RABGAP1L: variants seen among roughly 807,000 people sequenced by gnomAD.
RABGAP1L encodes the protein rab GTPase-activating protein 1-like.
A neutral mutation model predicts 137.7 loss-of-function variants in RABGAP1L; 63 were observed. The ratio of observed to expected loss-of-function variants is 0.46; its 90% confidence interval spans 0.37 to 0.56. The LOEUF (loss-of-function observed/expected upper bound fraction) is 0.56, where lower values mean the gene tolerates loss of function less well. Among genes scored for constraint, RABGAP1L ranks in the 20% least tolerant of loss-of-function variants. The pLI is 0.00. For missense variants in RABGAP1L, 1,095 were observed against 1,244.0 expected, an observed-to-expected ratio of 0.88 and a Z score of 1.80; for synonymous variants, 431 against 433.7, an observed-to-expected ratio of 0.99 and a Z score of 0.08.
intron 13 of RABGAP1L, among the ~76,000 whole-genome samples, chr1:174,572,427 C>G (rs1668051315): frequency 6.6e-6 from 1 of 152,124 alleles, no homozygotes; most frequent in Admixed American, 6.6e-5. Flanking sequence ...CTCAGTCACC[C>G]CAGGCTGGAG....
At position 174,658,127 on chromosome 1, in the gene RABGAP1L, C is replaced by T. The variant is rs371310290; in HGVS notation, c.1824+20639C>T. On this transcript the variant is annotated intron_variant, in intron 14 of 25. Coordinates refer to ENST00000681986, the MANE Select transcript of RABGAP1L (RefSeq NM_001366446.1). ...AGATGGGACCAAAGCAAGTTAAAAACGCCACAAAGCTCCCTGTTCTTACCA... is the reference window on the plus strand; with the variant it reads ...AGATGGGACCAAAGCAAGTTAAAAATGCCACAAAGCTCCCTGTTCTTACCA... Among the ~76,000 whole-genome samples the T allele has an allele frequency of 1.8e-4, 28 of 152,256 alleles. No homozygotes were observed. In the East Asian group the frequency reaches 2.7e-3, roughly 15 times the overall value.
At chr1:174,959,934 T>G (rs968720518) in intron 20 of RABGAP1L, among the ~76,000 whole-genome samples, 3 of 152,198 alleles carry the variant, frequency 2.0e-5, no homozygotes, top group Non-Finnish European at 4.4e-5. Context: ...TCTTCTAAAT[T>G]TAATCCTATG....
rs191557715 is a variant in RABGAP1L at position 174,782,480 on chromosome 1, G to T, written c.2212-29352G>T. Among the ~76,000 whole-genome samples the T allele has an allele frequency of 8.5e-5, 13 of 152,268 alleles. No individual in the cohort carries two copies. In the East Asian group the frequency reaches 1.2e-3, roughly 14 times the overall value. On this transcript the variant is annotated intron_variant, in intron 18 of 25. Coordinates refer to ENST00000681986, the MANE Select transcript of RABGAP1L (RefSeq NM_001366446.1). ...GGAGATTTTGGGCTGAGACGATGGGGTTTTCTAGATATACAGTCATGTCAT... is the reference window on the plus strand; with the variant it reads ...GGAGATTTTGGGCTGAGACGATGGGTTTTTCTAGATATACAGTCATGTCAT...
chr1:174,402,452 C>T (rs992287821), intron 13 of RABGAP1L, among the ~76,000 whole-genome samples: 1 of 152,154 alleles, frequency 6.6e-6, no homozygotes, highest in Non-Finnish European at 1.5e-5. Context: ...TCAGGAAACA[C>T]ATATAAACCT....
chr1:174,619,041 T>C (rs1672186218), intron 13 of RABGAP1L, among the ~76,000 whole-genome samples: 1 of 152,120 alleles, frequency 6.6e-6, no homozygotes, highest in Non-Finnish European at 1.5e-5. Context: ...AGGGTATCAG[T>C]GATGGAAAAT....
At chr1:174,924,857 A>G (rs1662444628) in intron 19 of RABGAP1L, among the ~76,000 whole-genome samples, 1 of 152,154 alleles carries the variant, frequency 6.6e-6, no homozygotes, top group Admixed American at 6.5e-5. Context: ...CACAATACCT[A>G]AGTAAAAATC....
chr1:174,428,368 C>G (rs1040082608), intron 13 of RABGAP1L, among the ~76,000 whole-genome samples: 1 of 152,062 alleles, frequency 6.6e-6, no homozygotes, highest in African/African-American at 2.4e-5. Context: ...GAGGGCATAA[C>G]AGTTAAGACA....
chr1:174,240,673 A>G (rs907995685), intron 4 of RABGAP1L, among the ~76,000 whole-genome samples: 2 of 152,222 alleles, frequency 1.3e-5, no homozygotes, highest in Non-Finnish European at 2.9e-5. Context: ...TGTGGTAGAA[A>G]GGGCCTCAGT....
chr1:174,740,105 G>T (rs1437419725), intron 17 of RABGAP1L, among the ~76,000 whole-genome samples: 4 of 152,188 alleles, frequency 2.6e-5, no homozygotes, highest in African/African-American at 9.6e-5. Flanking sequence ...AAAGGGTGGA[G>T]TTGCTCCTGC....
chr1:174,441,500 T>G (rs1309539077), intron 13 of RABGAP1L, among the ~76,000 whole-genome samples: 4 of 152,054 alleles, frequency 2.6e-5, no homozygotes, highest in African/African-American at 7.2e-5. Flanking sequence ...TTTGGGAGGC[T>G]GAGGGGGGTG....
rs987724756 is a variant in RABGAP1L, at chr1:174,957,522, A to G, written c.2406A>G (p.Gln802=). Residue 802 remains glutamine, a synonymous_variant, in exon 20 of 26, where the codon CAA becomes CAG. Coordinates refer to ENST00000681986, the MANE Select transcript of RABGAP1L (RefSeq NM_001366446.1). ...EYQTMRESQL[Q]QEDPMDRYKR... ...AGACAATGCGAGAGAGTCAGCTGCA[A>G]CAGGAAGACCCAATGGATAGATACA... 3 of 1,612,060 alleles carry G rather than the reference A, an allele frequency of 1.9e-6. No homozygotes were observed. Among genetic ancestry groups the G allele is most frequent in the Middle Eastern group, 3.3e-4 (2 of 6,060 alleles).
intron 17 of RABGAP1L, among the ~76,000 whole-genome samples, chr1:174,718,561 T>A (rs553134549): frequency 1.3e-5 from 2 of 152,328 alleles, no homozygotes; most frequent in South Asian, 4.1e-4. Flanking sequence ...TATTACCCAA[T>A]TCTTAATGTT....
chr1:174,612,452 G>A (rs1199093231), intron 13 of RABGAP1L, among the ~76,000 whole-genome samples: 1 of 152,168 alleles, frequency 6.6e-6, no homozygotes, highest in Non-Finnish European at 1.5e-5. Flanking sequence ...GCTGGATTCG[G>A]TTTGCCAGTA....
chr1:174,538,375 C>G (rs1665062119), intron 13 of RABGAP1L, among the ~76,000 whole-genome samples: 1 of 152,080 alleles, frequency 6.6e-6, no homozygotes, highest in Non-Finnish European at 1.5e-5. Context: ...TTGTTCTCTG[C>G]CAGAATATAA....
chr1:174,676,052 C>G (rs1677599128), intron 14 of RABGAP1L, among the ~76,000 whole-genome samples: 1 of 152,004 alleles, frequency 6.6e-6, no homozygotes, highest in South Asian at 2.1e-4. Flanking sequence ...CTTGATTTAC[C>G]ACATATCTGT....
chr1:174,787,636 A>T (rs1028044665), intron 18 of RABGAP1L, among the ~76,000 whole-genome samples: 4 of 152,184 alleles, frequency 2.6e-5, no homozygotes, highest in African/African-American at 9.7e-5. Context: ...TGTCTGAAGG[A>T]TGTCTTGTGC....
At chr1:174,649,603 C>T (rs2148383834) in intron 14 of RABGAP1L, among the ~76,000 whole-genome samples, 1 of 152,072 alleles carries the variant, frequency 6.6e-6, no homozygotes, top group South Asian at 2.1e-4. Flanking sequence ...TTGTGGGTAA[C>T]CCGACCTTTC....
chr1:174,571,248 A>G (rs1335804979), intron 13 of RABGAP1L, among the ~76,000 whole-genome samples: 1 of 152,110 alleles, frequency 6.6e-6, no homozygotes, highest in East Asian at 1.9e-4. Flanking sequence ...GAGAGAATAG[A>G]AGGATAGTTA....
intron 13 of RABGAP1L, among the ~76,000 whole-genome samples, chr1:174,483,218 T>C (rs992750956): frequency 9.2e-5 from 14 of 152,190 alleles, no homozygotes; most frequent in Non-Finnish European, 2.9e-5. Flanking sequence ...TAGCAAATAC[T>C]AGGTTTTACT....
Sources: gnomAD v4.1 joint callset for allele counts (sites outside exome capture counted in the v4.1 genomes callset) on GRCh38, gnomAD v4.1.1 for gene constraint, MANE v1.5 for transcripts, NCBI Gene and HGNC (gene_info 2026-07-23, HGNC 2026-07-21) for gene names.